The following STK31 variants were observed in gnomAD, a reference collection of about 807,000 sequenced individuals.
STK31 encodes the protein serine/threonine-protein kinase 31.
A neutral mutation model predicts 129.7 loss-of-function variants in STK31; 89 were observed. The ratio of observed to expected loss-of-function variants is 0.69; its 90% CI spans 0.58 to 0.82. The LOEUF (loss-of-function observed/expected upper bound fraction) is 0.82, where lower values mean the gene tolerates loss of function less well. Ranked by LOEUF, STK31 falls within the 40% of genes least tolerant of loss-of-function variation. The pLI, the probability that STK31 is intolerant of heterozygous loss-of-function variation, is 0.00. For missense variants in STK31, 1,187 were observed against 1,176.4 expected (o/e 1.01, Z -0.13); for synonymous variants, 448 against 395.3 (o/e 1.13, Z -1.58).
At chr7:23,723,991 G>A (rs1474120621) in intron 4 of STK31, among the ~76,000 whole-genome samples, 1 of 152,084 alleles carries the variant, frequency 6.6e-6, no homozygotes, top group Non-Finnish European at 1.5e-5. Flanking sequence ...TTCATACCTT[G>A]GTTTAGGAAG....
In STK31 at chr7:23,808,214, A is replaced by G. The variant is rs76977748; in HGVS notation, c.2761-6930A>G. Among the ~76,000 whole-genome samples, 1,006 of 151,434 alleles carry G rather than the reference A, an allele frequency of 6.6e-3. 11 individuals carry two copies. Among genetic ancestry groups the G allele is most frequent in the African/African-American group, 0.023 (944 of 41,258 alleles). ...CTGTTTAGGTATAGTATGCAGTTCC[A>G]GATGGGGTTAGATATGTAGTTCCCC... On this transcript the variant is annotated intron_variant, in intron 22 of 23. Coordinates refer to ENST00000355870, the MANE Select transcript of STK31 (RefSeq NM_031414.5).
At chr7:23,826,519 T>C (rs1209367476) in intron 23 of STK31, among the ~76,000 whole-genome samples, 1 of 152,216 alleles carries the variant, frequency 6.6e-6, no homozygotes, top group African/African-American at 2.4e-5. Context: ...GTTTCCTGAA[T>C]ACAGCACACT....
At chr7:23,768,891 T>G in intron 11 of STK31, 104 bp from the exon 12 acceptor site, 2 of 922,696 alleles carry the variant, frequency 2.2e-6, no homozygotes, top group Non-Finnish European at 3.1e-6. Context: ...TTCTCAAGAA[T>G]GGGGATTCAG....
intron 23 of STK31, among the ~76,000 whole-genome samples, chr7:23,822,645 C>T (rs908421606): frequency 1.3e-5 from 2 of 152,002 alleles, no homozygotes; most frequent in East Asian, 1.9e-4. Context: ...GATACATGTG[C>T]ACAACGTGCA....
rs574669468 is a variant in STK31, at chr7:23,785,727, A to G, written c.2274+124A>G. 7.8e-5 allele frequency: 99 copies of G among 1,265,068 alleles called. No individual in the cohort carries two copies. The East Asian group carries it at 2.5e-3, about 32-fold the overall frequency. The allele number at this position is 1,265,068 out of a possible 1,614,324, so 78.4% of individuals were successfully genotyped here. A position where few individuals can be genotyped will look rare whatever the true frequency, so the allele number is the denominator to read the frequency against. On this transcript the variant is annotated intron_variant, in intron 18 of 23. Transcript: ENST00000355870. ...TAAAGTGTATAAGTTGACTGGCATGATAATTGTGCTTGTAGTTTGGTTGCC... is the reference window on the plus strand; with the variant it reads ...TAAAGTGTATAAGTTGACTGGCATGGTAATTGTGCTTGTAGTTTGGTTGCC...
chr7:23,753,928 G>A (rs1788886462), intron 9 of STK31, among the ~76,000 whole-genome samples: 1 of 152,070 alleles, frequency 6.6e-6, no homozygotes, highest in Non-Finnish European at 1.5e-5. Flanking sequence ...TTTCTTATAT[G>A]TCTTTTCTCT....
chr7:23,823,674 T>C (rs1234922499), intron 23 of STK31, among the ~76,000 whole-genome samples: 1 of 152,238 alleles, frequency 6.6e-6, no homozygotes, highest in African/African-American at 2.4e-5. Flanking sequence ...TCCTTGTCCA[T>C]GCCTATGTCC....
At chr7:23,750,876 T>C (rs547508516) in intron 8 of STK31, among the ~76,000 whole-genome samples, 1 of 152,352 alleles carries the variant, frequency 6.6e-6, no homozygotes, top group South Asian at 2.1e-4. Context: ...TTTCTGTGTG[T>C]TGGGAACATT....
At position 23,788,135 on chromosome 7, in the gene STK31, A is replaced by T; in HGVS notation, c.2637+6A>T. On this transcript the variant is annotated splice_donor_region_variant and intron_variant, in intron 21 of 23. Transcript: ENST00000355870. ...TTGACTTCACCAAATCTGTGGTAAGATATCATGGTTTTACAAATAGGTTCT... is the reference window on the plus strand; with the variant it reads ...TTGACTTCACCAAATCTGTGGTAAGTTATCATGGTTTTACAAATAGGTTCT... 1.2e-6 allele frequency: 2 copies of T among 1,605,352 alleles called. No homozygotes were observed. Among genetic ancestry groups the T allele is most frequent in the Non-Finnish European group, 1.7e-6 (2 of 1,176,610 alleles).
chr7:23,731,018 G>C (rs924274368), intron 6 of STK31, among the ~76,000 whole-genome samples: 2 of 150,202 alleles, frequency 1.3e-5, no homozygotes, highest in Non-Finnish European at 3.0e-5. Flanking sequence ...CTGATAGCTG[G>C]AATTACAGGC....
intron 8 of STK31, among the ~76,000 whole-genome samples, chr7:23,739,698 C>T (rs1324438115): frequency 6.6e-6 from 1 of 152,158 alleles, no homozygotes; most frequent in Non-Finnish European, 1.5e-5. Flanking sequence ...ATATGGCTAG[C>T]CAGTTTTCCC....
chr7:23,754,217 A>C, intron 9 of STK31, 98 bp from the exon 10 acceptor site: 1 of 1,279,904 alleles, frequency 7.8e-7, no homozygotes, highest in Non-Finnish European at 1.1e-6. Flanking sequence ...CAGTGCTGTA[A>C]ACACTAACTT....
chr7:23,795,123 A>T (rs976443717), intron 22 of STK31, among the ~76,000 whole-genome samples: 1 of 152,198 alleles, frequency 6.6e-6, no homozygotes, highest in African/African-American at 2.4e-5. Context: ...AAAGCTTCGC[A>T]GCAGCCCTTC....
At chr7:23,780,209 G>T (rs1223017966) in intron 15 of STK31, among the ~76,000 whole-genome samples, 1 of 152,070 alleles carries the variant, frequency 6.6e-6, no homozygotes, top group Non-Finnish European at 1.5e-5. Context: ...GGGTACCTCA[G>T]TTTGAAATGC....
chr7:23,729,349 G>A, intron 6 of STK31, 100 bp downstream of exon 6: 3 of 1,070,968 alleles, frequency 2.8e-6, no homozygotes, highest in Non-Finnish European at 3.8e-6. Context: ...ATAAAAGTCT[G>A]TATAAATTAG....
chr7:23,778,476 T>A (rs553201481), intron 15 of STK31, among the ~76,000 whole-genome samples: 2 of 152,324 alleles, frequency 1.3e-5, no homozygotes, highest in South Asian at 4.1e-4. Context: ...GGTACACCAG[T>A]CAAACGTAGG....
chr7:23,776,011 C>T (rs1790515727), intron 15 of STK31, among the ~76,000 whole-genome samples: 1 of 152,146 alleles, frequency 6.6e-6, no homozygotes, highest in African/African-American at 2.4e-5. Flanking sequence ...CCATCAGTAC[C>T]TAGTTAGTTG....
chr7:23,817,195 A>T (rs2390815), intron 23 of STK31, among the ~76,000 whole-genome samples: 90,470 of 151,318 alleles, frequency 0.6, 27,453 homozygotes, highest in Admixed American at 0.71. Context: ...CTCAAAAAAA[A>T]AAAAATAATA....
intron 8 of STK31, among the ~76,000 whole-genome samples, chr7:23,748,924 C>G (rs571573742): frequency 6.6e-6 from 1 of 152,294 alleles, no homozygotes; most frequent in African/African-American, 2.4e-5. Flanking sequence ...GTTCAAGAGT[C>G]AGCTGTAGTC....
Sources: allele counts gnomAD v4.1 joint callset (sites outside exome capture counted in the v4.1 genomes callset), GRCh38; gene constraint gnomAD v4.1.1; transcripts MANE v1.5; gene names NCBI Gene and HGNC (gene_info 2026-07-23, HGNC 2026-07-21).